The following KLHDC4 variants were observed in gnomAD, a reference collection of about 807,000 sequenced individuals.
The protein encoded by KLHDC4 is kelch domain-containing protein 4.
Under a neutral mutation model 62.4 loss-of-function variants are expected in KLHDC4, and 90 were observed. That is an observed-to-expected ratio of 1.44 (90% confidence interval 1.22 to 1.72). The LOEUF (loss-of-function observed/expected upper bound fraction) is 1.72. Ranked by LOEUF, KLHDC4 falls within the 40% of genes most tolerant of loss-of-function variation. The pLI is 0.00. For synonymous variants in KLHDC4, 386 were observed against 284.4 expected (o/e 1.36, Z -3.59); for missense variants, 1,025 against 699.7 (o/e 1.47, Z -5.25).
chr16:87,756,858 G>A (rs1296570697), intron 2 of KLHDC4, among the ~76,000 whole-genome samples: 1 of 151,826 alleles, frequency 6.6e-6, no homozygotes, highest in South Asian at 2.1e-4. Flanking sequence ...TTGTCACCCA[G>A]GCTGGAGTGC....
chr16:87,755,412 A>C, intron 3 of KLHDC4, 120 bp from the exon 4 acceptor site: 1 of 597,236 alleles, frequency 1.7e-6, no homozygotes, highest in Non-Finnish European at 3.0e-6. Context: ...TGTAAACCAT[A>C]CCAGCACAGG....
chr16:87,735,173 G>A (rs1462006356), intron 5 of KLHDC4, among the ~76,000 whole-genome samples: 2 of 151,906 alleles, frequency 1.3e-5, no homozygotes, highest in Non-Finnish European at 1.5e-5. Context: ...GGTGGCGGGC[G>A]CCTGTAGTCC....
intron 2 of KLHDC4, among the ~76,000 whole-genome samples, chr16:87,758,495 G>A (rs760355709): frequency 2.0e-5 from 3 of 152,146 alleles, no homozygotes; most frequent in African/African-American, 4.8e-5. Context: ...CCTAGAATAG[G>A]CCAATTCACA....
intron 7 of KLHDC4, 87 bp from the exon 8 acceptor site, chr16:87,714,660 G>A (rs571993125): frequency 1.4e-6 from 2 of 1,408,546 alleles, no homozygotes; most frequent in East Asian, 2.3e-5. Context: ...CATTTTGGAT[G>A]GAAGGGGCTG....
At chr16:87,718,754 GGCC>G (rs1451840968) in intron 7 of KLHDC4, among the ~76,000 whole-genome samples, 3 of 148,678 alleles carry the variant, frequency 2.0e-5, no homozygotes, top group Non-Finnish European at 4.5e-5. Flanking sequence ...GCCTCTTCCC[GGCC>G]GCCATCCTGT....
intron 7 of KLHDC4, among the ~76,000 whole-genome samples, chr16:87,723,201 T>TC (rs2142997387): frequency 7.4e-6 from 1 of 135,466 alleles, no homozygotes; most frequent in African/African-American, 2.6e-5. Context: ...GGCTACTGAC[T>TC]TTTTTTTACA....
chr16:87,709,617 G>T lies in KLHDC4; in HGVS notation c.1095C>A (p.Pro365=). ...CACACGCCGGCCTGCTACCACCTTC[G>T]GGCTCCTCTTTTCTGCCCCGCCTGC... is the stretch of plus-strand genomic sequence containing the variant. ...KKRRRGRKEE[P]EGGSRPACGG... The change falls in exon 10 of 12, where the codon CCC becomes CCA. Residue 365 remains proline (P), a synonymous_variant. Transcript: ENST00000270583. The T allele has an allele frequency of 6.2e-7, 1 of 1,609,742 alleles. No individual in the cohort carries two copies. Among genetic ancestry groups the T allele is most frequent in the Non-Finnish European group, 8.5e-7 (1 of 1,178,152 alleles).
chr16:87,718,430 G>A (rs1164262981), intron 7 of KLHDC4, among the ~76,000 whole-genome samples: 2 of 149,632 alleles, frequency 1.3e-5, no homozygotes, highest in Non-Finnish European at 3.0e-5. Flanking sequence ...GCGGAGGCTG[G>A]ACTGTACTGC....
chr16:87,711,026 A>T, intron 9 of KLHDC4: 1 of 558,334 alleles, frequency 1.8e-6, no homozygotes, highest in Non-Finnish European at 3.2e-6. Context: ...CAGCCCCGCC[A>T]GCATCCAGGA....
downstream of KLHDC4, among the ~76,000 whole-genome samples, chr16:87,704,681 A>G (rs2034453173): frequency 1.3e-5 from 2 of 152,122 alleles, no homozygotes. Flanking sequence ...TTTGTCACCT[A>G]GCCAATGACA....
Position 87,723,543 on chromosome 16 carries a change from CT to C in KLHDC4, c.759+3221del, listed in dbSNP as rs2038821945. Among the ~76,000 whole-genome samples the C allele has an allele frequency of 3.3e-5, 5 of 152,410 alleles. No individual in the cohort carries two copies. The South Asian group carries it at 1.0e-3, about 32-fold the overall frequency. ...TGGCTTTCAGCCAAGTCAGCCTGTT[CT>C]CAGTGCCCTCCCACATGCCAGAATA... is the stretch of plus-strand genomic sequence containing the variant. On this transcript the variant is annotated intron_variant, in intron 7 of 11. Transcript: ENST00000270583.
At chr16:87,701,346 T>TA in exon 1 of KLHDC4, 1 of 305,550 alleles carries the variant, frequency 3.3e-6, no homozygotes, top group Non-Finnish European at 6.5e-6. Context: ...GGTGAAGCCA[T>TA]ACTGTGGAGA....
At chr16:87,760,832 C>T (rs1053429670) in intron 2 of KLHDC4, among the ~76,000 whole-genome samples, 6 of 151,528 alleles carry the variant, frequency 4.0e-5, no homozygotes, top group Non-Finnish European at 4.4e-5. Context: ...CAGGAGTTCA[C>T]GACCAGCCAG....
At chr16:87,721,385 G>C (rs1475959278) in intron 7 of KLHDC4, among the ~76,000 whole-genome samples, 1 of 142,240 alleles carries the variant, frequency 7.0e-6, no homozygotes, top group Non-Finnish European at 1.5e-5. Flanking sequence ...CTGCACTCCA[G>C]CCTGGGGGAT....
Position 87,727,193 on chromosome 16 carries a change from A to T in KLHDC4, c.600-269T>A, listed in dbSNP as rs556599350. ...ACAGGGCAACATTTTCACCTGTTTA[A>T]TTCAAGTTTGAATTGATATGAAAGG... On this transcript the variant is annotated intron_variant, in intron 6 of 11. Coordinates refer to ENST00000270583, the MANE Select transcript of KLHDC4 (RefSeq NM_017566.4). 3.3e-3 allele frequency among the ~76,000 whole-genome samples: 431 copies of T among 130,656 alleles called. 2 individuals are homozygous for T. Among genetic ancestry groups the T allele is most frequent in the African/African-American group, 0.012 (415 of 34,268 alleles). The allele number at this position is 130,656 out of a possible 152,430, so 85.7% of individuals were successfully genotyped here. A position where few individuals can be genotyped will look rare whatever the true frequency, so the allele number is the denominator to read the frequency against.
chr16:87,717,160 G>C (rs1048733110), intron 7 of KLHDC4, among the ~76,000 whole-genome samples: 1 of 152,032 alleles, frequency 6.6e-6, no homozygotes, highest in African/African-American at 2.4e-5. Flanking sequence ...GAGCCTGAAA[G>C]GCAGAGGCTG....
intron 3 of KLHDC4, 124 bp downstream of exon 3, chr16:87,756,275 G>T: frequency 1.4e-6 from 1 of 706,408 alleles, no homozygotes; most frequent in Non-Finnish European, 2.5e-6. Context: ...AGGCCTGACG[G>T]CTCAAGCGCG....
At chr16:87,714,098 C>A (rs1041726489) in intron 8 of KLHDC4, among the ~76,000 whole-genome samples, 3 of 152,156 alleles carry the variant, frequency 2.0e-5, no homozygotes, top group African/African-American at 7.2e-5. Context: ...CGAGGCCCGT[C>A]ACCACAGTGC....
In KLHDC4 at chr16:87,714,628, AG is replaced by A. The variant is rs1567673003; in HGVS notation, c.760-56del. On this transcript the variant is annotated intron_variant, in intron 7 of 11. Coordinates refer to ENST00000270583, the MANE Select transcript of KLHDC4 (RefSeq NM_017566.4). Reference sequence around the variant, plus strand: ...GGGGGCAGCTACAGTGGTTGCTTACAGACCCCCCAACCCTGTGGGCGCATTT... The same window carrying A: ...GGGGGCAGCTACAGTGGTTGCTTACAACCCCCCAACCCTGTGGGCGCATTT... 1.3e-5 allele frequency: 21 copies of A among 1,589,000 alleles called. No individual in the cohort carries two copies. The Admixed American group carries it at 1.3e-4, about 10-fold the overall frequency.
Sources: gnomAD v4.1 joint callset for allele counts (sites outside exome capture counted in the v4.1 genomes callset) on GRCh38, gnomAD v4.1.1 for gene constraint, MANE v1.5 for transcripts, NCBI Gene and HGNC (gene_info 2026-07-23, HGNC 2026-07-21) for gene names.